The following ZNF106 variants were observed in gnomAD, a reference collection of about 807,000 sequenced individuals.
ZNF106 encodes zinc finger protein 106.
In ZNF106, 67 loss-of-function variants were observed where a neutral mutation model predicts 195.1. The observed-to-expected ratio is 0.34, with a 90% CI of 0.28 to 0.42. The LOEUF (loss-of-function observed/expected upper bound fraction) is 0.42. Among genes scored for constraint, ZNF106 ranks in the 10% least tolerant of loss-of-function variants. The pLI is 1.00. For synonymous variants in ZNF106, 784 were observed against 818.6 expected, an observed-to-expected ratio of 0.96 and a Z score of 0.72; for missense variants, 2,118 against 2,304.5, an observed-to-expected ratio of 0.92 and a Z score of 1.66.
intron 2 of ZNF106, among the ~76,000 whole-genome samples, chr15:42,466,473 C>T (rs183968927): frequency 5.9e-5 from 9 of 152,164 alleles, no homozygotes; most frequent in Non-Finnish European, 8.8e-5. Flanking sequence ...TCAAATCACT[C>T]AACTTTTCAA....
chr15:42,441,950 G>A (rs906726732), intron 10 of ZNF106, 123 bp downstream of exon 10: 5 of 677,910 alleles, frequency 7.4e-6, no homozygotes, highest in African/African-American at 7.2e-5. Context: ...GAGAATTCCA[G>A]TGACAAATTA....
At chr15:42,417,444 T>A in intron 21 of ZNF106, 84 bp from the exon 22 acceptor site, 1 of 1,526,212 alleles carries the variant, frequency 6.6e-7, no homozygotes, top group East Asian at 2.3e-5. Flanking sequence ...GCCATGTGGG[T>A]CCATTCCACC....
intron 7 of ZNF106, among the ~76,000 whole-genome samples, chr15:42,445,781 A>T (rs972411563): frequency 2.6e-5 from 4 of 152,112 alleles, no homozygotes; most frequent in Non-Finnish European, 5.9e-5. Flanking sequence ...CATCACATCC[A>T]CTCACTCAAG....
intron 13 of ZNF106, 144 bp downstream of exon 13, chr15:42,437,088 T>A (rs3742997): frequency 0.26 from 200,171 of 768,218 alleles, 32,442 homozygotes; most frequent in African/African-American, 0.66. Flanking sequence ...TTGCTGAGCT[T>A]CTGGATTAAA....
At chr15:42,445,527 G>A (rs1031635598) in intron 7 of ZNF106, among the ~76,000 whole-genome samples, 5 of 152,176 alleles carry the variant, frequency 3.3e-5, no homozygotes, top group Non-Finnish European at 5.9e-5. Flanking sequence ...CATTGTGTTT[G>A]TCTGTTTCCT....
chr15:42,437,146 C>A (rs2055309209), intron 13 of ZNF106, 86 bp downstream of exon 13: 2 of 1,442,238 alleles, frequency 1.4e-6, no homozygotes, highest in African/African-American at 2.9e-5. Flanking sequence ...AGACAGCCAA[C>A]AAATTCCCTT....
At chr15:42,485,785 C>A (rs558984393) in intron 1 of ZNF106, among the ~76,000 whole-genome samples, 2 of 152,040 alleles carry the variant, frequency 1.3e-5, no homozygotes, top group Admixed American at 1.3e-4. Context: ...CAATGTGGTA[C>A]GAAAGCACCC....
chr15:42,458,133 C>G (rs2056291586), intron 3 of ZNF106, among the ~76,000 whole-genome samples: 1 of 152,060 alleles, frequency 6.6e-6, no homozygotes, highest in African/African-American at 2.4e-5. Flanking sequence ...TCCAAATTGG[C>G]TTAACTCTGT....
At chr15:42,470,015 T>C (rs1167387178) in intron 2 of ZNF106, among the ~76,000 whole-genome samples, 1 of 152,030 alleles carries the variant, frequency 6.6e-6, no homozygotes, top group Non-Finnish European at 1.5e-5. Context: ...GCTGGGTTGG[T>C]TGGAGGGGAG....
intron 21 of ZNF106, 124 bp from the exon 22 acceptor site, chr15:42,417,484 G>T (rs1446941585): frequency 8.8e-7 from 1 of 1,139,534 alleles, no homozygotes; most frequent in Non-Finnish European, 1.3e-6. Flanking sequence ...GCAGTTAGGA[G>T]CCAGCACTTT....
At chr15:42,438,933 GT>G (rs2141315010) in intron 11 of ZNF106, 99 bp downstream of exon 11, 3 of 1,373,774 alleles carry the variant, frequency 2.2e-6, no homozygotes, top group Non-Finnish European at 3.0e-6. Context: ...TTCACATAAA[GT>G]TTGGTTTTTA....
Position 42,424,826 on chromosome 15 carries a change from G to A in ZNF106, c.5190+8C>T. 1 of 1,613,480 alleles carries A rather than the reference G, an allele frequency of 6.2e-7. No individual in the cohort carries two copies. The highest frequency in any genetic ancestry group is 8.5e-7 in the Non-Finnish European group (1 of 1,179,686). On this transcript the variant is annotated splice_region_variant and intron_variant, in intron 16 of 21. Transcript: ENST00000564754. Reference sequence around the variant, plus strand: ...CAGACAACTCCGATTCTCTTGCACTGTACTTGCCTTCATGCAAAGAATGGT... The same window carrying A: ...CAGACAACTCCGATTCTCTTGCACTATACTTGCCTTCATGCAAAGAATGGT...
chr15:42,444,275 T>A lies in ZNF106; in HGVS notation c.3361-13A>T. 1 of 1,599,180 alleles carries A rather than the reference T, an allele frequency of 6.3e-7. No homozygotes were observed. Among genetic ancestry groups the A allele is most frequent in the Non-Finnish European group, 8.6e-7 (1 of 1,168,718 alleles). ...TCTCCATAGTTATCTAAAAATAAAG[T>A]ATTTTATTAAGCATTTTGAAATCCA... On this transcript the variant is annotated splice_polypyrimidine_tract_variant and intron_variant, in intron 8 of 21. Coordinates refer to ENST00000564754, the MANE Select transcript of ZNF106 (RefSeq NM_001366845.3).
intron 13 of ZNF106, among the ~76,000 whole-genome samples, chr15:42,436,016 C>G (rs373357883): frequency 6.6e-6 from 1 of 150,988 alleles, no homozygotes; most frequent in Non-Finnish European, 1.5e-5. Flanking sequence ...TGCAGTGGCG[C>G]GATCTCAGCT....
chr15:42,476,398 T>C (rs574408129), intron 1 of ZNF106, among the ~76,000 whole-genome samples: 1 of 152,302 alleles, frequency 6.6e-6, no homozygotes, highest in Non-Finnish European at 1.5e-5. Flanking sequence ...CATCCAACTC[T>C]GTGATCTCAA....
intron 4 of ZNF106, among the ~76,000 whole-genome samples, chr15:42,455,294 G>A (rs1392425649): frequency 1.3e-5 from 2 of 152,140 alleles, no homozygotes; most frequent in African/African-American, 2.4e-5. Flanking sequence ...ACGGGAATGG[G>A]ACCCAAGTCT....
At chr15:42,454,584 G>GT (rs960253310) in intron 4 of ZNF106, among the ~76,000 whole-genome samples, 1 of 151,924 alleles carries the variant, frequency 6.6e-6, no homozygotes, top group African/African-American at 2.4e-5. Context: ...AAATACTCCT[G>GT]AAGAAGTAGA....
intron 15 of ZNF106, among the ~76,000 whole-genome samples, chr15:42,426,562 G>C (rs2054865967): frequency 7.3e-6 from 1 of 137,490 alleles, no homozygotes; most frequent in Non-Finnish European, 1.6e-5. Context: ...ACCATACTTA[G>C]CTTTTTTTTT....
chr15:42,416,726 C>CT lies in ZNF106; in HGVS notation c.*577dup, dbSNP rs1249470961. 1 of 152,232 alleles carries CT rather than the reference C, an allele frequency of 6.6e-6. No homozygotes were observed. The highest frequency in any genetic ancestry group is 1.5e-5 in the Non-Finnish European group (1 of 68,060). 9.4% of individuals were successfully genotyped at this position (152,232 alleles called of 1,614,324 possible). ...CTGTTTGTCAAAAATCTACTGTGTCCTTTAGCACTTAAAGCCAGCTCTATC... is the reference window on the plus strand; with the variant it reads ...CTGTTTGTCAAAAATCTACTGTGTCCTTTTAGCACTTAAAGCCAGCTCTATC... On this transcript the variant is annotated 3_prime_UTR_variant, in exon 22 of 22. Coordinates refer to ENST00000564754, the MANE Select transcript of ZNF106 (RefSeq NM_001366845.3).
Sources: gnomAD v4.1 joint callset for allele counts (sites outside exome capture counted in the v4.1 genomes callset) on GRCh38, gnomAD v4.1.1 for gene constraint, MANE v1.5 for transcripts, NCBI Gene and HGNC (gene_info 2026-07-23, HGNC 2026-07-21) for gene names.